Variants in CDH9 observed in about 807,000 individuals in gnomAD.
CDH9 encodes the protein cadherin 9, also known as cadherin-9.
A neutral mutation model predicts 70.9 loss-of-function variants in CDH9; 28 were observed. That is an observed-to-expected ratio of 0.40 (90% CI 0.29 to 0.54). CDH9 has a LOEUF of 0.54. Ranked by LOEUF, CDH9 falls within the 20% of genes least tolerant of loss-of-function variation. CDH9 has a pLI of 0.59. For synonymous variants in CDH9, 409 were observed against 343.1 expected, an observed-to-expected ratio of 1.19 and a Z score of -2.12; for missense variants, 874 against 984.4, an observed-to-expected ratio of 0.89 and a Z score of 1.50.
intron 2 of CDH9, among the ~76,000 whole-genome samples, chr5:26,918,172 G>T (rs1741179756): frequency 6.6e-6 from 1 of 151,950 alleles, no homozygotes; most frequent in African/African-American, 2.4e-5. Context: ...TGTCTCAGAA[G>T]GCCTGTTCTA....
intron 1 of CDH9, among the ~76,000 whole-genome samples, chr5:27,000,644 AG>A (rs1234351299): frequency 6.6e-6 from 1 of 152,188 alleles, no homozygotes; most frequent in African/African-American, 2.4e-5. Flanking sequence ...TAATGTCCAC[AG>A]GAAAACTTAC....
chr5:26,931,955 T>G (rs1741470889), intron 2 of CDH9, among the ~76,000 whole-genome samples: 1 of 152,164 alleles, frequency 6.6e-6, no homozygotes, highest in Non-Finnish European at 1.5e-5. Flanking sequence ...TCCTCACATC[T>G]ATGTTCAGTG....
At chr5:26,973,785 C>A (rs1267295696) in intron 2 of CDH9, among the ~76,000 whole-genome samples, 1 of 152,090 alleles carries the variant, frequency 6.6e-6, no homozygotes, top group Non-Finnish European at 1.5e-5. Flanking sequence ...ACAGTGTTTA[C>A]AATGCCTTTT....
rs573187768 is a variant in CDH9 at position 27,019,108 on chromosome 5, A to T, written c.-50+19355T>A. ...GAGGAATCCCAAAAAAAGTAGTAAC[A>T]GGTGAAATTCAGAATTGAAATAATT... is the stretch of plus-strand genomic sequence containing the variant. On this transcript the variant is annotated intron_variant, in intron 1 of 11. Coordinates refer to ENST00000231021, the MANE Select transcript of CDH9 (RefSeq NM_016279.4). Among the ~76,000 whole-genome samples, 11 of 152,174 alleles carry T rather than the reference A, an allele frequency of 7.2e-5. No individual in the cohort carries two copies. The South Asian group carries it at 2.1e-3, about 29-fold the overall frequency.
chr5:26,986,708 G>A (rs192668346), intron 2 of CDH9, among the ~76,000 whole-genome samples: 5 of 152,024 alleles, frequency 3.3e-5, no homozygotes, highest in Admixed American at 6.6e-5. Flanking sequence ...TTGGAGAATC[G>A]TAAGGCAATT....
rs574680214 is a variant in CDH9, at chr5:27,024,409, G to A, written c.-50+14054C>T. On this transcript the variant is annotated intron_variant, in intron 1 of 11. Coordinates refer to ENST00000231021, the MANE Select transcript of CDH9 (RefSeq NM_016279.4). ...TAGTGTCACATCAAGTAAAATCCCA[G>A]TCAGGACAAAACATCTTTTCAATCA... Among the ~76,000 whole-genome samples, 9 of 152,110 alleles carry A rather than the reference G, an allele frequency of 5.9e-5. No homozygotes were observed. In the East Asian group the frequency reaches 1.2e-3, roughly 20 times the overall value.
intron 2 of CDH9, among the ~76,000 whole-genome samples, chr5:26,926,552 A>G (rs1395766375): frequency 6.6e-6 from 1 of 152,068 alleles, no homozygotes; most frequent in African/African-American, 2.4e-5. Flanking sequence ...ATCCCCATCA[A>G]GCTACCAATG....
intron 1 of CDH9, among the ~76,000 whole-genome samples, chr5:26,997,498 A>G (rs1742686551): frequency 6.6e-6 from 1 of 152,168 alleles, no homozygotes; most frequent in South Asian, 2.1e-4. Flanking sequence ...AAAAAAACAG[A>G]AAATGGAGAG....
chr5:26,968,241 C>T (rs578181988), intron 2 of CDH9, among the ~76,000 whole-genome samples: 3 of 151,980 alleles, frequency 2.0e-5, no homozygotes, highest in South Asian at 2.1e-4. Context: ...AATCCAGAGA[C>T]GATTACAGGG....
chr5:26,930,131 A>G (rs2112022803), intron 2 of CDH9, among the ~76,000 whole-genome samples: 1 of 152,214 alleles, frequency 6.6e-6, no homozygotes, highest in African/African-American at 2.4e-5. Flanking sequence ...CACATTATGT[A>G]CCTACATAAA....
intron 2 of CDH9, among the ~76,000 whole-genome samples, chr5:26,970,939 C>A (rs1400140758): frequency 2.6e-5 from 4 of 152,130 alleles, no homozygotes; most frequent in African/African-American, 9.7e-5. Context: ...CATAAACTCT[C>A]ATTTCCTCTA....
intron 2 of CDH9, among the ~76,000 whole-genome samples, chr5:26,939,980 C>A (rs907032924): frequency 3.9e-5 from 6 of 151,912 alleles, no homozygotes; most frequent in African/African-American, 1.2e-4. Flanking sequence ...GAAACCCTAT[C>A]TCTACTGTTA....
At chr5:26,946,773 T>C (rs920788905) in intron 2 of CDH9, among the ~76,000 whole-genome samples, 1 of 152,126 alleles carries the variant, frequency 6.6e-6, no homozygotes, top group Non-Finnish European at 1.5e-5. Context: ...TCCTATTTAC[T>C]CACAAAGTAA....
intron 2 of CDH9, among the ~76,000 whole-genome samples, chr5:26,939,822 T>A (rs1258127001): frequency 6.6e-6 from 1 of 152,096 alleles, no homozygotes; most frequent in East Asian, 1.9e-4. Context: ...TTCCCTATCA[T>A]TAAGTAGAAG....
chr5:26,893,155 T>C (rs2111976380), intron 7 of CDH9, among the ~76,000 whole-genome samples: 1 of 152,346 alleles, frequency 6.6e-6, no homozygotes, highest in Middle Eastern at 3.4e-3. Flanking sequence ...TATGCTGAAC[T>C]TAAGGGATCT....
Position 26,957,387 on chromosome 5 carries a change from C to T in CDH9, c.228+30719G>A, listed in dbSNP as rs1741964514. Among the ~76,000 whole-genome samples the T allele has an allele frequency of 2.0e-5, 3 of 152,040 alleles. No homozygotes were observed. The South Asian group carries it at 6.2e-4, about 32-fold the overall frequency. On this transcript the variant is annotated intron_variant, in intron 2 of 11. Coordinates refer to ENST00000231021, the MANE Select transcript of CDH9 (RefSeq NM_016279.4). ...TTATTGAAAATTATCTTTGGCAGGG[C>T]CTGGTGGCTCACATCTGTAATCGTA...
chr5:26,905,755 A>C (rs1294228131), intron 5 of CDH9, among the ~76,000 whole-genome samples: 1 of 152,184 alleles, frequency 6.6e-6, no homozygotes, highest in Non-Finnish European at 1.5e-5. Context: ...CTTCCACTAC[A>C]TACTCCAAAA....
At chr5:26,935,632 G>A (rs1431984217) in intron 2 of CDH9, among the ~76,000 whole-genome samples, 2 of 152,154 alleles carry the variant, frequency 1.3e-5, no homozygotes, top group African/African-American at 4.8e-5. Flanking sequence ...GTGGTGAACA[G>A]GGAATACTTT....
intron 3 of CDH9, among the ~76,000 whole-genome samples, chr5:26,911,075 G>A (rs935753268): frequency 6.6e-6 from 1 of 152,090 alleles, no homozygotes; most frequent in African/African-American, 2.4e-5. Flanking sequence ...TATCTAGTTT[G>A]TTCAACACTT....
Sources: gnomAD v4.1 joint callset for allele counts (sites outside exome capture counted in the v4.1 genomes callset) on GRCh38, gnomAD v4.1.1 for gene constraint, MANE v1.5 for transcripts, NCBI Gene and HGNC (gene_info 2026-07-23, HGNC 2026-07-21) for gene names.